The following NUDC variants were observed in gnomAD, a reference collection of about 807,000 sequenced individuals.
NUDC encodes the protein nuclear distribution C, dynein complex regulator, also known as nuclear migration protein nudC.
A neutral mutation model predicts 45.0 loss-of-function variants in NUDC; 14 were observed. The observed-to-expected ratio is 0.31, with a 90% CI of 0.21 to 0.49. The LOEUF is 0.49. NUDC is among the 20% of genes least tolerant of loss of function. The pLI is 0.99. For synonymous variants in NUDC, 153 were observed against 156.7 expected (o/e 0.98, Z 0.17); for missense variants, 323 against 426.2 (o/e 0.76, Z 2.13).
exon 3 of NUDC, chr1:26,911,138 A>T (rs2082023814): frequency 2.1e-6 from 1 of 470,962 alleles, no homozygotes; most frequent in African/African-American, 2.0e-5. Context: ...GAATGGGGGA[A>T]GTGAATGATC....
At chr1:26,901,379 C>T (rs1467180222) in intron 1 of NUDC, among the ~76,000 whole-genome samples, 1 of 147,678 alleles carries the variant, frequency 6.8e-6, no homozygotes, top group Admixed American at 6.8e-5. Context: ...GTGTGAGCCA[C>T]GGTCCCCGCC....
intron 2 of NUDC, among the ~76,000 whole-genome samples, chr1:26,934,544 T>C (rs566893514): frequency 6.6e-6 from 1 of 152,320 alleles, no homozygotes; most frequent in South Asian, 2.1e-4. Flanking sequence ...AAAGTCTTAA[T>C]TCATTTCTGC....
At chr1:26,924,764 G>T (rs2082117621) in intron 2 of NUDC, among the ~76,000 whole-genome samples, 1 of 152,082 alleles carries the variant, frequency 6.6e-6, no homozygotes, top group Admixed American at 6.6e-5. Context: ...TATTGGCCAG[G>T]CTGGTCTCGA....
chr1:26,922,136 G>C, intron 1 of NUDC: 1 of 600,238 alleles, frequency 1.7e-6, no homozygotes, highest in South Asian at 2.0e-5. Flanking sequence ...GCGCCCCTCA[G>C]TAGTAGCAAA....
chr1:26,935,936 T>G (rs2082225778), intron 2 of NUDC, among the ~76,000 whole-genome samples: 1 of 149,640 alleles, frequency 6.7e-6, no homozygotes, highest in South Asian at 2.1e-4. Context: ...AAGACCAGCC[T>G]GGGTAATATA....
intron 2 of NUDC, among the ~76,000 whole-genome samples, chr1:26,938,349 G>C (rs531474952): frequency 1.3e-3 from 198 of 152,312 alleles, no homozygotes; most frequent in African/African-American, 4.5e-3. Flanking sequence ...ATGATTCAGT[G>C]GAGCTGGGAG....
intron 3 of NUDC, chr1:26,913,368 C>T: frequency 6.2e-7 from 1 of 1,601,698 alleles, no homozygotes; most frequent in Non-Finnish European, 8.6e-7. Flanking sequence ...CTGGCCCCTG[C>T]TTCAGCCTTG....
At position 26,935,245 on chromosome 1, in the gene NUDC, A is replaced by C. The variant is rs924043425; in HGVS notation, c.160-6212A>C. 2.0e-5 allele frequency among the ~76,000 whole-genome samples: 3 copies of C among 152,076 alleles called. No individual in the cohort carries two copies. In the East Asian group the frequency reaches 5.8e-4, roughly 29 times the overall value. On this transcript the variant is annotated intron_variant, in intron 2 of 8. Coordinates refer to ENST00000321265, the MANE Select transcript of NUDC (RefSeq NM_006600.4). ...GTTCCGTGCCCCCTTGGCCTCCCAA[A>C]GTGTTGGGATTACAGGCGTGAGCCA...
chr1:26,928,909 C>G (rs1008825729), intron 2 of NUDC, among the ~76,000 whole-genome samples: 1 of 152,188 alleles, frequency 6.6e-6, no homozygotes, highest in East Asian at 1.9e-4. Flanking sequence ...TTCTAGCAGT[C>G]ATGCTTGTGG....
At chr1:26,946,004 C>G in intron 8 of NUDC, 126 bp from the exon 9 acceptor site, 1 of 935,056 alleles carries the variant, frequency 1.1e-6, no homozygotes, top group African/African-American at 1.6e-5. Context: ...CTGGGCCCTG[C>G]TCCTGCCCAG....
At chr1:26,920,880 C>T (rs1029576496), upstream of NUDC, among the ~76,000 whole-genome samples, 2 of 151,504 alleles carry the variant, frequency 1.3e-5, no homozygotes, top group Non-Finnish European at 2.9e-5. Flanking sequence ...TCAAGGCTGC[C>T]GTAAGCCAAG....
At chr1:26,943,661 G>T (rs1319521925) in intron 6 of NUDC, among the ~76,000 whole-genome samples, 2 of 152,186 alleles carry the variant, frequency 1.3e-5, no homozygotes, top group South Asian at 4.1e-4. Flanking sequence ...GCCTGGTACT[G>T]TTCTTGTTCT....
intron 2 of NUDC, among the ~76,000 whole-genome samples, chr1:26,903,503 AAAT>A (rs1239387659): frequency 1.3e-5 from 2 of 152,220 alleles, no homozygotes; most frequent in African/African-American, 2.4e-5. Context: ...TTAAAAGTGA[AAAT>A]AACTCATTTC....
intron 2 of NUDC, among the ~76,000 whole-genome samples, chr1:26,937,874 C>G (rs2082247486): frequency 6.6e-6 from 1 of 152,100 alleles, no homozygotes; most frequent in Admixed American, 6.6e-5. Flanking sequence ...GTTTCAAACT[C>G]CTGGGCTCAA....
chr1:26,912,825 C>T (rs181815411), intron 3 of NUDC, among the ~76,000 whole-genome samples: 1 of 152,284 alleles, frequency 6.6e-6, no homozygotes, highest in East Asian at 1.9e-4. Context: ...CTCCCCACAG[C>T]CTTCTGTAAA....
chr1:26,908,810 C>T (rs1328008890), intron 2 of NUDC, among the ~76,000 whole-genome samples: 1 of 152,094 alleles, frequency 6.6e-6, no homozygotes, highest in Non-Finnish European at 1.5e-5. Flanking sequence ...GGTGCAATCT[C>T]GATTCACTGC....
chr1:26,944,160 C>T (rs1057393287), intron 6 of NUDC, among the ~76,000 whole-genome samples: 1 of 152,016 alleles, frequency 6.6e-6, no homozygotes, highest in African/African-American at 2.4e-5. Context: ...TCCCAAAGTG[C>T]TGGGATTACA....
intron 2 of NUDC, among the ~76,000 whole-genome samples, chr1:26,937,410 G>A (rs541150821): frequency 6.6e-6 from 1 of 152,218 alleles, no homozygotes; most frequent in South Asian, 2.1e-4. Flanking sequence ...CTCCCGAGTA[G>A]CTGGGACTGC....
At chr1:26,936,160 TATATA>T (rs1324530634) in intron 2 of NUDC, among the ~76,000 whole-genome samples, 4 of 17,022 alleles carry the variant, frequency 2.3e-4, no homozygotes, top group Admixed American at 8.0e-4. Context: ...TATATATATA[TATATA>T]TTTTTTTTTT....
Sources: allele counts gnomAD v4.1 joint callset (sites outside exome capture counted in the v4.1 genomes callset), GRCh38; gene constraint gnomAD v4.1.1; transcripts MANE v1.5; gene names NCBI Gene and HGNC (gene_info 2026-07-23, HGNC 2026-07-21).